The following TUB variants were observed in gnomAD, a reference collection of about 807,000 sequenced individuals.
TUB encodes TUB bipartite transcription factor, also known as tubby protein homolog.
Under a neutral mutation model 59.7 loss-of-function variants are expected in TUB, and 33 were observed. The ratio of observed to expected loss-of-function variants is 0.55; its 90% CI spans 0.42 to 0.74. The LOEUF is 0.74. Among genes scored for constraint, TUB ranks in the 30% least tolerant of loss-of-function variants. The pLI is 0.00. For missense variants in TUB, 659 were observed against 672.0 expected (o/e 0.98, Z 0.21); for synonymous variants, 293 against 256.4 (o/e 1.14, Z -1.36).
At chr11:8,026,069 C>T (rs999999285) in intron 1 of TUB, among the ~76,000 whole-genome samples, 3 of 152,118 alleles carry the variant, frequency 2.0e-5, no homozygotes, top group African/African-American at 4.8e-5. Context: ...CTAATGATGT[C>T]GAGCATCTTT....
At chr11:8,031,063 C>G (rs980665588) in intron 1 of TUB, among the ~76,000 whole-genome samples, 1 of 152,214 alleles carries the variant, frequency 6.6e-6, no homozygotes, top group African/African-American at 2.4e-5. Context: ...CGTCTGTGTG[C>G]ACATCTGAGT....
intron 1 of TUB, among the ~76,000 whole-genome samples, chr11:8,087,663 G>A (rs1943693863): frequency 6.6e-6 from 1 of 152,244 alleles, no homozygotes; most frequent in South Asian, 2.1e-4. Flanking sequence ...CTGTGCGTGT[G>A]GCTGACCACG....
Position 8,105,864 on chromosome 11 carries a change from C to CGCAACTTA in TUB, c.*4247_*4254dup, listed in dbSNP as rs1280402302. 1.3e-5 allele frequency: 2 copies of CGCAACTTA among 152,254 alleles called. No individual in the cohort carries two copies. The highest frequency in any genetic ancestry group is 2.9e-5 in the Non-Finnish European group (2 of 68,008). The allele number at this position is 152,254 out of a possible 1,614,324, so 9.4% of individuals were successfully genotyped here. A position where few individuals can be genotyped will look rare whatever the true frequency, so the allele number is the denominator to read the frequency against. On this transcript the variant is annotated 3_prime_UTR_variant, in exon 12 of 12. Transcript: ENST00000299506. The stretch of plus-strand genomic sequence containing the variant: ...GGCTGAGATCCAGAGTTTCCTAGAA[C>CGCAACTTA]GCAACTTAGGATGGCTAGGAAAGGG...
intron 10 of TUB, 66 bp from the exon 11 acceptor site, chr11:8,100,760 A>G: frequency 6.3e-7 from 1 of 1,594,668 alleles, no homozygotes; most frequent in Non-Finnish European, 8.6e-7. Context: ...CCCGGGATAG[A>G]TCCCTTTCTG....
chr11:8,062,789 G>A (rs1459563800), intron 2 of TUB, among the ~76,000 whole-genome samples: 2 of 152,122 alleles, frequency 1.3e-5, no homozygotes, highest in Non-Finnish European at 2.9e-5. Context: ...ATTCTGACAG[G>A]CTGCAGCTGG....
In TUB at chr11:8,096,725, TGAG is replaced by T. The variant is rs761443997; in HGVS notation, c.613_615del (p.Glu205del). On this transcript the variant is annotated inframe_deletion, in exon 6 of 12. Coordinates refer to ENST00000299506, the MANE Select transcript of TUB (RefSeq NM_177972.3). ...TGAGCTTTGACGAGGATGAGGAGGATGAGGAGGAGAATAGCTCCAGCTCCTCCC... is the reference window on the plus strand; with the variant it reads ...TGAGCTTTGACGAGGATGAGGAGGATGAGGAGAATAGCTCCAGCTCCTCCC... 36 of 1,613,866 alleles carry T rather than the reference TGAG, an allele frequency of 2.2e-5. No individual in the cohort carries two copies. Among genetic ancestry groups the T allele is most frequent in the East Asian group, 1.1e-4 (5 of 44,868 alleles).
intron 11 of TUB, 109 bp from the exon 12 acceptor site, chr11:8,101,377 G>A (rs760161899): frequency 3.2e-5 from 45 of 1,387,786 alleles, no homozygotes; most frequent in Non-Finnish European, 3.9e-5. Context: ...TGGCATCTCT[G>A]CTTCTCACTT....
intron 2 of TUB, among the ~76,000 whole-genome samples, chr11:8,040,694 G>T (rs1365695098): frequency 6.6e-6 from 1 of 152,194 alleles, no homozygotes; most frequent in African/African-American, 2.4e-5. Context: ...TACTTCACAG[G>T]CTCTTGGGAA....
At chr11:8,062,097 G>A (rs541868465) in intron 2 of TUB, 1 of 152,874 alleles carries the variant, frequency 6.5e-6, no homozygotes, top group South Asian at 2.1e-4. Context: ...GCGCCAATGT[G>A]AAGCTGAAGA....
chr11:8,083,636 G>A (rs1389221519), intron 1 of TUB, among the ~76,000 whole-genome samples: 1 of 147,928 alleles, frequency 6.8e-6, no homozygotes, highest in Non-Finnish European at 1.5e-5. Flanking sequence ...TTCCTTTCCT[G>A]GGCCGCAGAC....
At chr11:8,100,149 G>A (rs1455141545) in intron 9 of TUB, among the ~76,000 whole-genome samples, 1 of 152,202 alleles carries the variant, frequency 6.6e-6, no homozygotes, top group East Asian at 1.9e-4. Context: ...AGCTAGTGGT[G>A]AAAAGTGGTG....
intron 2 of TUB, 123 bp downstream of exon 2, chr11:8,089,784 G>A: frequency 7.4e-7 from 1 of 1,345,488 alleles, no homozygotes; most frequent in Non-Finnish European, 1.0e-6. Flanking sequence ...ATTCCCATGT[G>A]GAAGAAGAGA....
chr11:8,045,731 A>G (rs1204566230), intron 2 of TUB, among the ~76,000 whole-genome samples: 1 of 152,226 alleles, frequency 6.6e-6, no homozygotes, highest in Non-Finnish European at 1.5e-5. Context: ...TATTCATCCT[A>G]TACTTGGAAT....
Position 8,100,562 on chromosome 11 carries a change from G to A in TUB, c.1176G>A (p.Met392Ile). The A allele has an allele frequency of 1.2e-6, 2 of 1,614,156 alleles. No individual in the cohort carries two copies. The highest frequency in any genetic ancestry group is 1.7e-6 in the Non-Finnish European group (2 of 1,180,018). The change falls in exon 10 of 12, where the codon ATG becomes ATA. Residue 392 changes from methionine to isoleucine, a missense_variant. Coordinates refer to ENST00000299506, the MANE Select transcript of TUB (RefSeq NM_177972.3). ...AGATGAGCGTGATTGTCCCAGGCAT[G>A]AACATGGTTCATGAGAGAGTCTCTA... is the stretch of plus-strand genomic sequence containing the variant. ...PRKMSVIVPG[M>I]NMVHERVSIR...
intron 8 of TUB, 109 bp downstream of exon 8, chr11:8,097,935 A>G: frequency 1.3e-6 from 1 of 789,784 alleles, no homozygotes; most frequent in Non-Finnish European, 2.1e-6. Context: ...AGGGATGGAT[A>G]CTCTCCCAGG....
At chr11:8,031,741 G>A (rs922331675) in intron 1 of TUB, among the ~76,000 whole-genome samples, 27 of 152,232 alleles carry the variant, frequency 1.8e-4, no homozygotes, top group Admixed American at 1.6e-3. Context: ...CCGCACCTGC[G>A]AGGGGACAGG....
At chr11:8,101,337 C>A in intron 11 of TUB, 149 bp from the exon 12 acceptor site, 2 of 1,053,874 alleles carry the variant, frequency 1.9e-6, no homozygotes, top group African/African-American at 1.6e-5. Context: ...TCCCAATTGG[C>A]CTTTGTTTTA....
At chr11:8,044,616 C>A (rs1176818553) in intron 2 of TUB, among the ~76,000 whole-genome samples, 1 of 152,192 alleles carries the variant, frequency 6.6e-6, no homozygotes. Flanking sequence ...AACTGAGGGT[C>A]CTGCAATTTA....
intron 2 of TUB, among the ~76,000 whole-genome samples, chr11:8,050,738 G>A (rs189917375): frequency 6.6e-6 from 1 of 152,284 alleles, no homozygotes; most frequent in African/African-American, 2.4e-5. Context: ...AGCGAAGTCT[G>A]TCATCTTAAA....
Sources: allele counts gnomAD v4.1 joint callset (sites outside exome capture counted in the v4.1 genomes callset), GRCh38; gene constraint gnomAD v4.1.1; transcripts MANE v1.5; gene names NCBI Gene and HGNC (gene_info 2026-07-23, HGNC 2026-07-21).